PUDP: variants seen among roughly 807,000 people sequenced by gnomAD.
PUDP encodes the protein pseudouridine 5'-phosphatase, also known as pseudouridine-5'-phosphatase.
A neutral mutation model predicts 9.4 loss-of-function variants in PUDP; 8 were observed. The observed-to-expected ratio is 0.85, with a 90% confidence interval of 0.50 to 1.53. The LOEUF (loss-of-function observed/expected upper bound fraction) is 1.53, where lower values mean the gene tolerates loss of function less well. Among genes scored for constraint, PUDP ranks in the 40% most tolerant of loss-of-function variants. The probability of loss-of-function intolerance (pLI) is 0.00; values close to 1 mark genes in which losing one functional copy is unlikely to be tolerated. For missense variants in PUDP, 188 were observed against 189.7 expected, an observed-to-expected ratio of 0.99 and a Z score of 0.05; for synonymous variants, 99 against 80.7, an observed-to-expected ratio of 1.23 and a Z score of -1.22.
intron 2 of PUDP, among the ~76,000 whole-genome samples, chrX:7,104,871 T>C (rs1931835161): frequency 8.9e-6 from 1 of 112,369 alleles, no homozygotes; most frequent in African/African-American, 3.2e-5. Flanking sequence ...CATATTAATA[T>C]CATTTTAAAT....
chrX:7,111,377 C>T (rs1451459013), intron 1 of PUDP, among the ~76,000 whole-genome samples: 2 of 110,984 alleles, frequency 1.8e-5, no homozygotes, highest in African/African-American at 6.6e-5. Context: ...CTGCAGAAAA[C>T]TCCCAGCTCA....
chrX:6,932,553 C>CG (rs1187798556), intron 3 of PUDP, among the ~76,000 whole-genome samples: 6 of 111,191 alleles, frequency 5.4e-5, no homozygotes, highest in Admixed American at 9.5e-5. Context: ...ACGCAGAAGA[C>CG]GGTGATTTCT....
chrX:6,814,398 T>C (rs1337310095), intron 3 of PUDP, among the ~76,000 whole-genome samples: 1 of 111,029 alleles, frequency 9.0e-6, no homozygotes, highest in African/African-American at 3.3e-5. Flanking sequence ...ATCTCCCAAA[T>C]CGCCACGAAT....
At chrX:7,144,386 C>T (rs1260324414) in intron 1 of PUDP, among the ~76,000 whole-genome samples, 2 of 112,181 alleles carry the variant, frequency 1.8e-5, no homozygotes, top group East Asian at 5.6e-4. Context: ...TATAGATGTT[C>T]TGGTGTCTAA....
At chrX:6,908,688 ACCTGT>A (rs1466966893) in intron 3 of PUDP, among the ~76,000 whole-genome samples, 3 of 110,253 alleles carry the variant, frequency 2.7e-5, no homozygotes, top group African/African-American at 1.0e-4. Flanking sequence ...TTGGTTGGAC[ACCTGT>A]AACAGTAAAG....
At chrX:7,062,887 ATTTTTTTTT>A (rs199914841) in intron 3 of PUDP, among the ~76,000 whole-genome samples, 52 of 79,692 alleles carry the variant, frequency 6.5e-4, no homozygotes, top group African/African-American at 2.5e-3. Flanking sequence ...TGACTGCTTA[ATTTTTTTTT>A]TTTTTTTTTT....
intron 3 of PUDP, among the ~76,000 whole-genome samples, chrX:6,734,598 C>T (rs1355799407): frequency 9.0e-6 from 1 of 111,227 alleles, no homozygotes; most frequent in Non-Finnish European, 1.9e-5. Context: ...TGTAGCAAGA[C>T]CCTATTTCTA....
At chrX:6,877,159 A>G (rs1927277127) in intron 3 of PUDP, among the ~76,000 whole-genome samples, 1 of 109,708 alleles carries the variant, frequency 9.1e-6, no homozygotes, top group Non-Finnish European at 1.9e-5. Context: ...GGGTCTTTCT[A>G]TGTTGATCAG....
At chrX:6,793,321 C>A (rs947152659) in intron 3 of PUDP, among the ~76,000 whole-genome samples, 11 of 111,814 alleles carry the variant, frequency 9.8e-5, no homozygotes, top group Non-Finnish European at 2.1e-4. Context: ...TCTCAAGCCT[C>A]ATAATAAGGG....
chrX:7,079,751 G>A (rs1931025030), intron 2 of PUDP, among the ~76,000 whole-genome samples: 1 of 112,454 alleles, frequency 8.9e-6, no homozygotes, highest in African/African-American at 3.2e-5. Context: ...GTAATATTTT[G>A]TAGAGAACTA....
At chrX:6,716,121 T>TAA (rs375682882) in intron 1 of PUDP, among the ~76,000 whole-genome samples, 4 of 95,400 alleles carry the variant, frequency 4.2e-5, no homozygotes, top group South Asian at 9.4e-4. Context: ...ATATGTTAGC[T>TAA]AAAAAAAAAA....
At chrX:6,878,199 A>G (rs1927293511) in intron 3 of PUDP, among the ~76,000 whole-genome samples, 1 of 111,879 alleles carries the variant, frequency 8.9e-6, no homozygotes, top group Admixed American at 9.5e-5. Context: ...TGTTTAGCTC[A>G]AGTTTAAATC....
chrX:7,135,001 C>T (rs1186386783), intron 1 of PUDP, among the ~76,000 whole-genome samples: 8 of 111,981 alleles, frequency 7.1e-5, no homozygotes, highest in African/African-American at 2.6e-4. Context: ...GAGAAGTCTG[C>T]GTATGAACAG....
chrX:7,067,190 C>G (rs1930581315), intron 3 of PUDP, among the ~76,000 whole-genome samples: 1 of 112,275 alleles, frequency 8.9e-6, no homozygotes, highest in Non-Finnish European at 1.9e-5. Flanking sequence ...CACTTCTCTG[C>G]ATTTGACAGA....
rs749890255 is a variant in PUDP at position 6,924,739 on chromosome X, A to T, written c.*247+52394T>A. Among the ~76,000 whole-genome samples the T allele has an allele frequency of 2.7e-5, 3 of 112,070 alleles. No homozygotes were observed. The East Asian group carries it at 8.4e-4, about 31-fold the overall frequency. ...AGCTTTGGAACATTTCAAATTTTGG[A>T]TTTGAGGATTAGGGATATTCAACCT... On this transcript the variant is annotated intron_variant and NMD_transcript_variant, in intron 3 of 3. Coordinates refer to the PUDP transcript ENST00000655425.
intron 3 of PUDP, among the ~76,000 whole-genome samples, chrX:6,762,218 C>T (rs1044096807): frequency 9.0e-6 from 1 of 111,557 alleles, no homozygotes; most frequent in Admixed American, 9.5e-5. Context: ...AGCCATACTT[C>T]CTGCGCCTCT....
At chrX:6,965,337 G>A (rs1230968862) in intron 3 of PUDP, among the ~76,000 whole-genome samples, 3 of 111,992 alleles carry the variant, frequency 2.7e-5, no homozygotes, top group Non-Finnish European at 3.8e-5. Context: ...TTAGAGAAAT[G>A]GTTCAACAGA....
At chrX:6,917,537 G>A (rs1927954768) in intron 3 of PUDP, among the ~76,000 whole-genome samples, 1 of 111,657 alleles carries the variant, frequency 9.0e-6, no homozygotes, top group African/African-American at 3.3e-5. Flanking sequence ...AAGAGAAATT[G>A]TTGAAAAAAT....
chrX:6,763,850 G>A (rs1392046837), intron 3 of PUDP, among the ~76,000 whole-genome samples: 1 of 111,866 alleles, frequency 8.9e-6, no homozygotes, highest in East Asian at 2.8e-4. Flanking sequence ...ACCTTGTTCA[G>A]CAGCAAGGGT....
Sources: gnomAD v4.1 joint callset for allele counts (sites outside exome capture counted in the v4.1 genomes callset) on GRCh38, gnomAD v4.1.1 for gene constraint, MANE v1.5 for transcripts, NCBI Gene and HGNC (gene_info 2026-07-23, HGNC 2026-07-21) for gene names.